TMEM108: variants seen among roughly 807,000 people sequenced by gnomAD.
TMEM108 encodes the protein cancer/testis antigen 124.
A neutral mutation model predicts 35.1 loss-of-function variants in TMEM108; 12 were observed. The ratio of observed to expected loss-of-function variants is 0.34; its 90% CI spans 0.22 to 0.55. The LOEUF (loss-of-function observed/expected upper bound fraction) is 0.55. Among genes scored for constraint, TMEM108 ranks in the 20% least tolerant of loss-of-function variants. The probability of loss-of-function intolerance (pLI) is 0.89; values close to 1 mark genes in which losing one functional copy is unlikely to be tolerated. For synonymous variants in TMEM108, 287 were observed against 308.6 expected, an observed-to-expected ratio of 0.93 and a Z score of 0.73; for missense variants, 680 against 753.3, an observed-to-expected ratio of 0.90 and a Z score of 1.14.
intron 3 of TMEM108, among the ~76,000 whole-genome samples, chr3:133,373,992 C>G (rs1372049956): frequency 1.3e-5 from 2 of 152,196 alleles, no homozygotes; most frequent in Non-Finnish European, 2.9e-5. Context: ...GCTGGGACAG[C>G]TGGGTCTCCT....
intron 3 of TMEM108, among the ~76,000 whole-genome samples, chr3:133,303,509 C>A (rs1947260320): frequency 6.6e-6 from 1 of 152,112 alleles, no homozygotes; most frequent in Admixed American, 6.5e-5. Context: ...GATTCAGTAT[C>A]CTGAAAAGAA....
chr3:133,311,871 A>T (rs896542209), intron 3 of TMEM108, among the ~76,000 whole-genome samples: 19 of 152,264 alleles, frequency 1.2e-4, no homozygotes, highest in Non-Finnish European at 2.6e-4. Flanking sequence ...GTCTTTGATG[A>T]TGGTGACCTA....
intron 4 of TMEM108, among the ~76,000 whole-genome samples, chr3:133,385,710 C>T (rs907807618): frequency 7.2e-5 from 11 of 152,210 alleles, no homozygotes; most frequent in African/African-American, 2.7e-4. Flanking sequence ...AGAGAGGAAG[C>T]CTAGTATGCT....
chr3:133,153,638 A>G (rs576915940), intron 2 of TMEM108, among the ~76,000 whole-genome samples: 2 of 152,300 alleles, frequency 1.3e-5, no homozygotes, highest in South Asian at 4.1e-4. Flanking sequence ...GATCCTTCCA[A>G]TCTTGCCCTG....
At chr3:133,387,754 A>T in intron 4 of TMEM108, 1 of 847,306 alleles carries the variant, frequency 1.2e-6, no homozygotes, top group Non-Finnish European at 1.4e-6. Flanking sequence ...CTTCCCAAGG[A>T]AGCTGACGCT....
chr3:133,303,062 CAAAG>C (rs2107704741), intron 3 of TMEM108: 1 of 152,210 alleles, frequency 6.6e-6, no homozygotes, highest in Admixed American at 6.5e-5. Context: ...TGATAAGAAC[CAAAG>C]ACATGTTTGA....
chr3:133,302,764 G>A (rs1273158904), intron 3 of TMEM108, among the ~76,000 whole-genome samples: 1 of 152,056 alleles, frequency 6.6e-6, no homozygotes, highest in East Asian at 1.9e-4. Flanking sequence ...TAATATTACA[G>A]TATTTTTACT....
At chr3:133,148,467 TA>T (rs201344391) in intron 2 of TMEM108, among the ~76,000 whole-genome samples, 7 of 151,588 alleles carry the variant, frequency 4.6e-5, no homozygotes, top group South Asian at 4.2e-4. Context: ...TAATTAATAA[TA>T]AAAAAAAATC....
At chr3:133,267,405 T>G (rs921841282) in intron 3 of TMEM108, among the ~76,000 whole-genome samples, 1 of 152,186 alleles carries the variant, frequency 6.6e-6, no homozygotes, top group African/African-American at 2.4e-5. Context: ...TAAGGCTTCC[T>G]GGAGAAAGCA....
intron 2 of TMEM108, among the ~76,000 whole-genome samples, chr3:133,170,450 GA>G: frequency 6.6e-6 from 1 of 152,226 alleles, no homozygotes; most frequent in Non-Finnish European, 1.5e-5. Flanking sequence ...AGTGAAGGAA[GA>G]AAAATCACAG....
chr3:133,362,033 A>C (rs910083400), intron 3 of TMEM108, among the ~76,000 whole-genome samples: 1 of 152,122 alleles, frequency 6.6e-6, no homozygotes, highest in Non-Finnish European at 1.5e-5. Flanking sequence ...TATCACTTCT[A>C]TAATTAGCAT....
intron 3 of TMEM108, among the ~76,000 whole-genome samples, chr3:133,297,818 A>C (rs144067286): frequency 1.3e-4 from 20 of 152,336 alleles, no homozygotes; most frequent in African/African-American, 4.6e-4. Flanking sequence ...GCACCCCTCC[A>C]GGCGAAAGCT....
chr3:133,367,822 G>A (rs373060069), intron 3 of TMEM108, among the ~76,000 whole-genome samples: 11 of 152,158 alleles, frequency 7.2e-5, no homozygotes, highest in East Asian at 1.9e-4. Context: ...ACCACTAGCC[G>A]CTGCCTCTTC....
At chr3:133,082,273 A>G (rs553738707) in intron 2 of TMEM108, among the ~76,000 whole-genome samples, 1 of 152,218 alleles carries the variant, frequency 6.6e-6, no homozygotes, top group Non-Finnish European at 1.5e-5. Flanking sequence ...GATATTCACA[A>G]TGATGGTGCA....
intron 1 of TMEM108, among the ~76,000 whole-genome samples, chr3:133,040,507 AT>A (rs552636987): frequency 1.1e-4 from 17 of 148,902 alleles, no homozygotes; most frequent in East Asian, 5.9e-4. Flanking sequence ...CGGCCAGAAA[AT>A]TTTTTTTTTT....
At chr3:133,322,885 T>C (rs546740220) in intron 3 of TMEM108, among the ~76,000 whole-genome samples, 1 of 152,264 alleles carries the variant, frequency 6.6e-6, no homozygotes, top group East Asian at 1.9e-4. Flanking sequence ...ATAAATGTGA[T>C]ACATCACATA....
chr3:133,303,234 G>A (rs1183254513), intron 3 of TMEM108: 2 of 151,994 alleles, frequency 1.3e-5, no homozygotes, highest in Non-Finnish European at 2.9e-5. Flanking sequence ...TGATGTTTTT[G>A]AGCAGTAACC....
chr3:133,090,402 T>C (rs1374542628), intron 2 of TMEM108, among the ~76,000 whole-genome samples: 2 of 152,224 alleles, frequency 1.3e-5, no homozygotes, highest in Non-Finnish European at 2.9e-5. Context: ...AGGGAACTAT[T>C]ACATAGCTGC....
At chr3:133,146,407 G>C (rs1223433240) in intron 2 of TMEM108, among the ~76,000 whole-genome samples, 1 of 152,060 alleles carries the variant, frequency 6.6e-6, no homozygotes, top group Non-Finnish European at 1.5e-5. Context: ...TTCATCAGGG[G>C]TATTGGCCTG....
Sources: allele counts gnomAD v4.1 joint callset (sites outside exome capture counted in the v4.1 genomes callset), GRCh38; gene constraint gnomAD v4.1.1; transcripts MANE v1.5; gene names NCBI Gene and HGNC (gene_info 2026-07-23, HGNC 2026-07-21).